Variants in MCM9 observed in about 807,000 individuals in gnomAD.
The protein encoded by MCM9 is minichromosome maintenance 9 homologous recombination repair factor.
MCM9 carries 55 observed loss-of-function variants against 72.8 expected under a neutral mutation model. The observed-to-expected ratio is 0.76, with a 90% confidence interval of 0.61 to 0.95. MCM9 has a LOEUF of 0.95. MCM9 is among the 40% of genes least tolerant of loss of function. MCM9 has a pLI of 0.00. For synonymous variants in MCM9, 480 were observed against 503.4 expected, an observed-to-expected ratio of 0.95 and a Z score of 0.62; for missense variants, 1,279 against 1,377.0, an observed-to-expected ratio of 0.93 and a Z score of 1.13.
At chr6:118,931,350 C>T (rs368920933) in intron 3 of MCM9, 70 bp downstream of exon 3, 1 of 1,249,426 alleles carries the variant, frequency 8.0e-7, no homozygotes, top group Non-Finnish European at 1.1e-6. Context: ...TCTTAGTGTT[C>T]TAAATCTAGT....
At chr6:118,824,758 C>T (rs1219899906) in intron 13 of MCM9, among the ~76,000 whole-genome samples, 1 of 152,138 alleles carries the variant, frequency 6.6e-6, no homozygotes, top group Non-Finnish European at 1.5e-5. Flanking sequence ...ACAGTAAAAA[C>T]TCATATGCTG....
intron 8 of MCM9, among the ~76,000 whole-genome samples, chr6:118,865,944 A>G (rs577255658): frequency 3.5e-4 from 54 of 152,334 alleles, no homozygotes; most frequent in African/African-American, 1.3e-3. Context: ...GACATTTGCC[A>G]TAGATCCTCT....
intron 8 of MCM9, among the ~76,000 whole-genome samples, chr6:118,883,325 G>A (rs1397098938): frequency 6.6e-6 from 1 of 151,894 alleles, no homozygotes; most frequent in East Asian, 1.9e-4. Context: ...AAAATGAGCA[G>A]AGTGTCAAAG....
At chr6:118,871,588 G>A (rs1297025682) in intron 8 of MCM9, among the ~76,000 whole-genome samples, 1 of 152,150 alleles carries the variant, frequency 6.6e-6, no homozygotes, top group Non-Finnish European at 1.5e-5. Context: ...GCCCACTCTC[G>A]TCACTCCTGT....
At chr6:118,853,162 C>A (rs1001779279) in intron 9 of MCM9, among the ~76,000 whole-genome samples, 1 of 152,070 alleles carries the variant, frequency 6.6e-6, no homozygotes, top group East Asian at 1.9e-4. Flanking sequence ...GTCAAGTGTT[C>A]TAGCACAATT....
chr6:118,875,908 T>C (rs896406786), intron 8 of MCM9, among the ~76,000 whole-genome samples: 8 of 152,200 alleles, frequency 5.3e-5, no homozygotes, highest in Non-Finnish European at 1.0e-4. Flanking sequence ...TGGAAAGTTA[T>C]ATGCACATAA....
intron 8 of MCM9, among the ~76,000 whole-genome samples, chr6:118,876,386 G>A (rs1777932534): frequency 6.6e-6 from 1 of 152,156 alleles, no homozygotes; most frequent in African/African-American, 2.4e-5. Flanking sequence ...AATAGAATTT[G>A]GGTAGCAATG....
At chr6:118,874,312 T>C (rs1224114070) in intron 8 of MCM9, among the ~76,000 whole-genome samples, 1 of 152,058 alleles carries the variant, frequency 6.6e-6, no homozygotes, top group Non-Finnish European at 1.5e-5. Context: ...TAAAACGGCC[T>C]AACAAAGAAA....
Position 118,829,219 on chromosome 6 carries a change from T to C in MCM9, c.1357A>G (p.Ile453Val), listed in dbSNP as rs1415628785. ...CCTTTGGGGTTCGTTGCTGCCAGGA[T>C]GGTGGTCCTTGTGTTCAGCTTGCAC... is the stretch of plus-strand genomic sequence containing the variant. ...LVCKLNTRTT[I>V]LAATNPKGQY... The change falls in exon 10 of 14, where the codon ATC becomes GTC. Residue 453 changes from isoleucine to valine, a missense_variant. Ile to Val is a conservative substitution (Grantham distance 29). Coordinates refer to ENST00000619706, the MANE Select transcript of MCM9 (RefSeq NM_017696.3). The C allele has an allele frequency of 1.3e-6, 2 of 1,550,338 alleles. No individual in the cohort carries two copies. The highest frequency in any genetic ancestry group is 1.2e-5 in the South Asian group (1 of 84,042).
intron 9 of MCM9, among the ~76,000 whole-genome samples, chr6:118,854,834 T>G (rs1776455056): frequency 6.6e-6 from 1 of 152,262 alleles, no homozygotes; most frequent in Non-Finnish European, 1.5e-5. Flanking sequence ...ACCTTTCATT[T>G]CTGGGATAAG....
chr6:118,856,458 A>G lies in MCM9; in HGVS notation c.1238T>C (p.Ile413Thr). 6.5e-7 allele frequency: 1 copy of G among 1,535,690 alleles called. No individual in the cohort carries two copies. The highest frequency in any genetic ancestry group is 1.2e-5 in the South Asian group (1 of 84,066). Residue 413 changes from isoleucine (I) to threonine (T), a missense_variant, in exon 9 of 14, where the codon ATT (isoleucine) becomes ACT (threonine). Physicochemically the swap from Ile to Thr is moderately conservative, Grantham distance 89 (BLOSUM62 -1). Transcript: ENST00000619706. ...LVLADAGLCC[I>T]DEFNSLKEHD... ...CTCTTTGAGGCTATTGAACTCATCA[A>G]TACAGCAAAGGCCCGCATCTGCAAG... is the stretch of plus-strand genomic sequence containing the variant.
chr6:118,850,454 T>C lies in MCM9; in HGVS notation c.1325+5917A>G, dbSNP rs1446091583. ...CATGAACTCTATTTGAGAATATCCC[T>C]GTAAGAAGGGTGTTATTTTTGTATC... is the stretch of plus-strand genomic sequence containing the variant. On this transcript the variant is annotated intron_variant, in intron 9 of 13. Coordinates refer to ENST00000619706, the MANE Select transcript of MCM9 (RefSeq NM_017696.3). Among the ~76,000 whole-genome samples the C allele has an allele frequency of 2.0e-5, 3 of 151,840 alleles. No homozygotes were observed. In the East Asian group the frequency reaches 5.8e-4, roughly 29 times the overall value.
rs1350589083 is a variant in MCM9, at chr6:118,900,988, T to C, written c.1150+10662A>G. 8.0e-6 allele frequency: 6 copies of C among 746,678 alleles called. No individual in the cohort carries two copies. In the East Asian group the frequency reaches 1.5e-4, roughly 19 times the overall value. The allele number at this position is 746,678 out of a possible 1,614,324, so 46.3% of individuals were successfully genotyped here. A position where few individuals can be genotyped will look rare whatever the true frequency, so the allele number is the denominator to read the frequency against. Reference sequence around the variant, plus strand: ...CTTTCCTTTTGGGTTAAAGAACTGCTTCTGCTGCATTCACTTTAAATCTGT... The same window carrying C: ...CTTTCCTTTTGGGTTAAAGAACTGCCTCTGCTGCATTCACTTTAAATCTGT... On this transcript the variant is annotated intron_variant, in intron 8 of 13. Coordinates refer to ENST00000619706, the MANE Select transcript of MCM9 (RefSeq NM_017696.3).
chr6:118,847,422 C>CAAAA (rs368957444), intron 9 of MCM9, among the ~76,000 whole-genome samples: 12 of 113,828 alleles, frequency 1.1e-4, no homozygotes, highest in East Asian at 2.5e-4. Flanking sequence ...CATGAATCTT[C>CAAAA]AAAAAAAAAA....
chr6:118,829,564 G>C (rs1360290308), intron 9 of MCM9, among the ~76,000 whole-genome samples: 2 of 152,164 alleles, frequency 1.3e-5, no homozygotes, highest in African/African-American at 4.8e-5. Context: ...CAATCTACTA[G>C]CTATAATGTA....
intron 8 of MCM9, among the ~76,000 whole-genome samples, chr6:118,887,859 G>C (rs1462326067): frequency 6.6e-6 from 1 of 152,140 alleles, no homozygotes; most frequent in African/African-American, 2.4e-5. Context: ...ATCTACTCAG[G>C]AGGTTGAGGT....
intron 8 of MCM9, chr6:118,910,913 T>C: frequency 3.0e-6 from 3 of 985,432 alleles, no homozygotes; most frequent in Non-Finnish European, 3.6e-6. Flanking sequence ...ATTAGCCCAA[T>C]GGAAGTTAAT....
chr6:118,924,199 C>T (rs1241738367), intron 3 of MCM9, 72 bp from the exon 4 acceptor site: 2 of 1,316,796 alleles, frequency 1.5e-6, no homozygotes, highest in Admixed American at 2.2e-5. Flanking sequence ...TATTCTTCTC[C>T]TATTTCCTGA....
intron 8 of MCM9, among the ~76,000 whole-genome samples, chr6:118,874,558 T>C (rs1283410095): frequency 6.6e-6 from 1 of 152,194 alleles, no homozygotes; most frequent in Non-Finnish European, 1.5e-5. Context: ...ATCACTGCTT[T>C]TCAACTTTGT....
Sources: allele counts gnomAD v4.1 joint callset (sites outside exome capture counted in the v4.1 genomes callset), GRCh38; gene constraint gnomAD v4.1.1; transcripts MANE v1.5; gene names NCBI Gene and HGNC (gene_info 2026-07-23, HGNC 2026-07-21).